The following EDRF1 variants were observed in gnomAD, a reference collection of about 807,000 sequenced individuals.
The protein encoded by EDRF1 is erythroid differentiation regulatory factor 1, also known as erythroid differentiation-related factor 1.
A neutral mutation model predicts 148.7 loss-of-function variants in EDRF1; 69 were observed. The observed-to-expected ratio is 0.46, with a 90% CI of 0.38 to 0.57. The LOEUF is 0.57. Ranked by LOEUF, EDRF1 falls within the 20% of genes least tolerant of loss-of-function variation. EDRF1 has a pLI of 0.00. For missense variants in EDRF1, 1,118 were observed against 1,478.7 expected, an observed-to-expected ratio of 0.76 and a Z score of 4.00; for synonymous variants, 515 against 532.8, an observed-to-expected ratio of 0.97 and a Z score of 0.46.
chr10:125,748,500 G>C (rs1427243873), intron 21 of EDRF1: 1 of 186,958 alleles, frequency 5.3e-6, no homozygotes, highest in African/African-American at 2.4e-5. Flanking sequence ...GAGGATAAAG[G>C]CACTTCCTTC....
At chr10:125,719,941 G>C in intron 1 of EDRF1, 26 bp downstream of exon 1, 1 of 1,598,830 alleles carries the variant, frequency 6.3e-7, no homozygotes, top group Non-Finnish European at 8.6e-7. Flanking sequence ...AGGGGGACCT[G>C]CCAGGGATGT....
intron 17 of EDRF1, chr10:125,742,652 A>C: frequency 1.0e-6 from 1 of 985,274 alleles, no homozygotes; most frequent in Non-Finnish European, 1.2e-6. Flanking sequence ...TTAATCTTCG[A>C]GGGCTTCTGT....
chr10:125,754,624 C>CTTG (rs1479320262), intron 24 of EDRF1, among the ~76,000 whole-genome samples: 12 of 152,198 alleles, frequency 7.9e-5, no homozygotes, highest in African/African-American at 2.9e-4. Flanking sequence ...CCTGAGTCAT[C>CTTG]TTGTTGCGCT....
rs762343013 is a variant in EDRF1, at chr10:125,763,267, C to G, written c.3546-34C>G. ...TGAATTGTCGGTAGGCATTGCTGGTCCCTTACCTGTCTCTTTTTCTTTTTT... is the reference window on the plus strand; with the variant it reads ...TGAATTGTCGGTAGGCATTGCTGGTGCCTTACCTGTCTCTTTTTCTTTTTT... On this transcript the variant is annotated intron_variant, in intron 24 of 24. Coordinates refer to ENST00000356792, the MANE Select transcript of EDRF1 (RefSeq NM_001202438.2). This position sits in a 1 kb window ranked among gnomAD's most constrained non-coding sequence, Gnocchi z 4.3. 2 of 1,598,088 alleles carry G rather than the reference C, an allele frequency of 1.3e-6. No homozygotes were observed.
chr10:125,749,016 C>T (rs984474106), intron 21 of EDRF1: 19 of 266,090 alleles, frequency 7.1e-5, no homozygotes, highest in Admixed American at 3.0e-4. Flanking sequence ...CTTTGGGAGC[C>T]GAGGTGGTTG....
rs765657898 is a variant in EDRF1 at position 125,730,019 on chromosome 10, G to A, written c.1017-269G>A. On this transcript the variant is annotated intron_variant, in intron 8 of 24. Transcript: ENST00000356792. ...GTTGTGTGTGAGGAGCAGGCAGTAGGCTCACCGTCCTTTCCTATTATATTG... is the reference window on the plus strand; with the variant it reads ...GTTGTGTGTGAGGAGCAGGCAGTAGACTCACCGTCCTTTCCTATTATATTG... 6.1e-4 allele frequency among the ~76,000 whole-genome samples: 93 copies of A among 152,286 alleles called. 1 individual carries two copies. Among genetic ancestry groups the A allele is most frequent in the Admixed American group, 1.2e-3 (18 of 15,298 alleles).
rs535237705 is a variant in EDRF1 at position 125,740,731 on chromosome 10, T to G, written c.2170+80T>G. On this transcript the variant is annotated intron_variant, in intron 16 of 24. Transcript: ENST00000356792. Reference sequence around the variant, plus strand: ...AGGCATCTGAATCACAGTGGAAGTTTACTCCTATTTTTCTAGTAAATCTTT... The same window carrying G: ...AGGCATCTGAATCACAGTGGAAGTTGACTCCTATTTTTCTAGTAAATCTTT... 14 of 1,432,150 alleles carry G rather than the reference T, an allele frequency of 9.8e-6. No individual in the cohort carries two copies. In the South Asian group the frequency reaches 1.4e-4, roughly 14 times the overall value. The allele number at this position is 1,432,150 out of a possible 1,614,324, so 88.7% of individuals were successfully genotyped here.
intron 9 of EDRF1, among the ~76,000 whole-genome samples, chr10:125,732,753 C>T (rs925159492): frequency 6.6e-6 from 1 of 152,108 alleles, no homozygotes; most frequent in African/African-American, 2.4e-5. Context: ...TTTTAGAGTA[C>T]TTCAGAAAAT....
chr10:125,723,328 G>T (rs1456119788), intron 3 of EDRF1, among the ~76,000 whole-genome samples, 194 bp downstream of exon 3: 1 of 152,122 alleles, frequency 6.6e-6, no homozygotes, highest in Non-Finnish European at 1.5e-5. Flanking sequence ...TATTTAAAGA[G>T]GAAGGAATAA....
In EDRF1 at chr10:125,735,773, C is replaced by T; in HGVS notation, c.1627C>T (p.Pro543Ser). The change falls in exon 13 of 25, where the codon CCC becomes TCC. Residue 543 changes from proline (P) to serine (S), a missense_variant. Coordinates refer to ENST00000356792, the MANE Select transcript of EDRF1 (RefSeq NM_001202438.2). ...TTATAGTGAAGAGGAGGAAGAGATG[C>T]CCGACAGTGATGAAAATGGATCCTA... is the stretch of plus-strand genomic sequence containing the variant. Reference protein sequence around the residue: ...ESYSEEEEEMPDSDENGSYST... With the variant: ...ESYSEEEEEMSDSDENGSYST... 6.2e-7 allele frequency: 1 copy of T among 1,613,762 alleles called. No individual in the cohort carries two copies. Among genetic ancestry groups the T allele is most frequent in the East Asian group, 2.2e-5 (1 of 44,860 alleles).
At chr10:125,748,880 G>A in intron 21 of EDRF1, 1 of 190,760 alleles carries the variant, frequency 5.2e-6, no homozygotes, top group Non-Finnish European at 1.1e-5. Flanking sequence ...GCATTGTCTT[G>A]GCACCCTTAA....
chr10:125,720,111 G>A (rs528646066), intron 1 of EDRF1, among the ~76,000 whole-genome samples, 196 bp downstream of exon 1: 297 of 152,364 alleles, frequency 1.9e-3, no homozygotes, highest in African/African-American at 7.0e-3. Context: ...GCCGACAGGT[G>A]AATTAGATAC....
chr10:125,763,219 C>T lies in EDRF1; in HGVS notation c.3546-82C>T, dbSNP rs1217999601. The T allele has an allele frequency of 1.4e-6, 2 of 1,385,858 alleles. No individual in the cohort carries two copies. Among genetic ancestry groups the T allele is most frequent in the Non-Finnish European group, 2.0e-6 (2 of 985,850 alleles). 85.8% of individuals were successfully genotyped at this position (1,385,858 alleles called of 1,614,324 possible). ...CTGTGAAGAGTGACTGTTGGGCTGTCACTGTCCGGTTTTCTGGACCTCTGA... is the reference window on the plus strand; with the variant it reads ...CTGTGAAGAGTGACTGTTGGGCTGTTACTGTCCGGTTTTCTGGACCTCTGA... On this transcript the variant is annotated intron_variant, in intron 24 of 24. Transcript: ENST00000356792. This position sits in a 1 kb window ranked among gnomAD's most constrained non-coding sequence, Gnocchi z 4.3.
chr10:125,729,497 C>T lies in EDRF1; in HGVS notation c.1016+18C>T, dbSNP rs776331374. 1.5e-5 allele frequency: 25 copies of T among 1,614,000 alleles called. No individual in the cohort carries two copies. The highest frequency in any genetic ancestry group is 1.9e-5 in the Non-Finnish European group (22 of 1,179,910). Reference sequence around the variant, plus strand: ...CGTCTCAGGTGAACTAACATCATACCCCTCCTCAAGCTTATGGTATTTAAA... The same window carrying T: ...CGTCTCAGGTGAACTAACATCATACTCCTCCTCAAGCTTATGGTATTTAAA... On this transcript the variant is annotated intron_variant, in intron 8 of 24. Coordinates refer to ENST00000356792, the MANE Select transcript of EDRF1 (RefSeq NM_001202438.2).
At position 125,721,332 on chromosome 10, in the gene EDRF1, C is replaced by T; in HGVS notation, c.237C>T (p.Asn79=). 6.2e-7 allele frequency: 1 copy of T among 1,614,246 alleles called. No homozygotes were observed. Among genetic ancestry groups the T allele is most frequent in the Non-Finnish European group, 8.5e-7 (1 of 1,180,052 alleles). Residue 79 remains asparagine (N), a synonymous_variant, in exon 2 of 25, where the codon AAC becomes AAT. Transcript: ENST00000356792. ...CAGACTTGAAACTCCCACCTGCCAA[C>T]TGGTTACGAGAGAGTGCCAAACTAG... The part of the protein sequence containing the change: ...EKTDLKLPPA[N]WLRESAKLGP...
intron 22 of EDRF1, chr10:125,749,811 T>C: frequency 2.0e-6 from 1 of 495,702 alleles, no homozygotes; most frequent in Non-Finnish European, 3.6e-6. Flanking sequence ...GACCCCTAGT[T>C]TGGAAAAAAA....
At chr10:125,733,106 G>A (rs1296839153) in intron 9 of EDRF1, among the ~76,000 whole-genome samples, 1 of 152,192 alleles carries the variant, frequency 6.6e-6, no homozygotes, top group Non-Finnish European at 1.5e-5. Flanking sequence ...AAAGTAGTCA[G>A]TATGATTTGT....
intron 4 of EDRF1, 71 bp from the exon 5 acceptor site, chr10:125,725,247 T>C: frequency 6.3e-7 from 1 of 1,580,020 alleles, no homozygotes; most frequent in Admixed American, 1.7e-5. Context: ...GCCTTTTCTG[T>C]AAGCTAGTAC....
chr10:125,725,905 A>T (rs1848237666), intron 6 of EDRF1, 67 bp downstream of exon 6: 4 of 278,876 alleles, frequency 1.4e-5, no homozygotes, highest in Non-Finnish European at 1.7e-5. Flanking sequence ...ACATCTCGTT[A>T]AAAAAAAAAA....
Sources: allele counts gnomAD v4.1 joint callset (sites outside exome capture counted in the v4.1 genomes callset), GRCh38; gene constraint gnomAD v4.1.1; non-coding constraint Gnocchi (gnomAD v3.1); transcripts MANE v1.5; gene names NCBI Gene and HGNC (gene_info 2026-07-23, HGNC 2026-07-21).